The following CUL9 variants were observed in gnomAD, a reference collection of about 807,000 sequenced individuals.
CUL9 encodes cullin-9.
CUL9 carries 79 observed loss-of-function variants against 272.6 expected under a neutral mutation model. That is an observed-to-expected ratio of 0.29 (90% confidence interval 0.24 to 0.35). The LOEUF (loss-of-function observed/expected upper bound fraction) is 0.35, where lower values mean the gene tolerates loss of function less well. Among genes scored for constraint, CUL9 ranks in the 10% least tolerant of loss-of-function variants. CUL9 has a pLI of 1.00. For synonymous variants in CUL9, 1,186 were observed against 1,286.5 expected (o/e 0.92, Z 1.67); for missense variants, 2,532 against 3,255.6 (o/e 0.78, Z 5.41).
intron 26 of CUL9, among the ~76,000 whole-genome samples, chr6:43,208,697 T>C (rs1775228120): frequency 6.6e-6 from 1 of 152,218 alleles, no homozygotes; most frequent in African/African-American, 2.4e-5. Context: ...TTACTGGCTT[T>C]CCAGTTTATA....
intron 11 of CUL9, chr6:43,198,155 C>A: frequency 4.5e-6 from 2 of 442,742 alleles, no homozygotes; most frequent in Non-Finnish European, 6.0e-6. Flanking sequence ...GCAGGAGAAT[C>A]ACTTGAGCCC....
At chr6:43,222,466 A>G (rs1020633078) in intron 36 of CUL9, 65 bp from the exon 37 acceptor site, 22 of 1,597,746 alleles carry the variant, frequency 1.4e-5, no homozygotes, top group Admixed American at 1.0e-4. Context: ...GGTGGGCTGA[A>G]GGTCTGACCG....
chr6:43,209,357 G>T (rs1775295840), intron 26 of CUL9, among the ~76,000 whole-genome samples: 1 of 151,128 alleles, frequency 6.6e-6, no homozygotes, highest in Admixed American at 6.6e-5. Flanking sequence ...CACCATGTTA[G>T]CCAGGATGGT....
chr6:43,191,497 T>TTTTTTTTTTTTTTTTTTC, intron 8 of CUL9, among the ~76,000 whole-genome samples: 1 of 147,708 alleles, frequency 6.8e-6, no homozygotes, highest in African/African-American at 2.6e-5. Flanking sequence ...TTTTTTTTTT[T>TTTTTTTTTTTTTTTTTTC]TTTTTTTTAC....
At chr6:43,191,148 A>T (rs1249971696) in intron 8 of CUL9, among the ~76,000 whole-genome samples, 8 of 151,784 alleles carry the variant, frequency 5.3e-5, no homozygotes, top group South Asian at 2.1e-4. Flanking sequence ...TGTTTTTTTT[A>T]AATTTATTTA....
rs747793265 is a variant in CUL9 at position 43,196,744 on chromosome 6, C to T, written c.2685C>T (p.Asp895=). ...GDQIITQELR[D]TLFRHSGIAP... ...AGATTATAACCCAAGAGCTGAGAGACACGTTGTTTAGGCACTCAGGGATAG... is the reference window on the plus strand; with the variant it reads ...AGATTATAACCCAAGAGCTGAGAGATACGTTGTTTAGGCACTCAGGGATAG... Residue 895 remains aspartate, a synonymous_variant, in exon 11 of 41, where the codon GAC becomes GAT. Coordinates refer to ENST00000252050, the MANE Select transcript of CUL9 (RefSeq NM_015089.4). 2 of 1,614,224 alleles carry T rather than the reference C, an allele frequency of 1.2e-6. No individual in the cohort carries two copies. Among genetic ancestry groups the T allele is most frequent in the Non-Finnish European group, 1.7e-6 (2 of 1,180,032 alleles).
chr6:43,190,458 T>G (rs1406736476), intron 8 of CUL9, among the ~76,000 whole-genome samples: 6 of 152,114 alleles, frequency 3.9e-5, no homozygotes, highest in Admixed American at 3.9e-4. Flanking sequence ...GCTCTATTTT[T>G]TGGTTATAGA....
rs375780586 is a variant in CUL9 at position 43,204,786 on chromosome 6, C to T, written c.4378C>T (p.Pro1460Ser). The T allele has an allele frequency of 3.7e-6, 6 of 1,614,252 alleles. No homozygotes were observed. In the African/African-American group the frequency reaches 6.7e-5, roughly 18 times the overall value. Residue 1460 changes from proline to serine, a missense_variant, in exon 22 of 41, where the codon CCT becomes TCT. Transcript: ENST00000252050. ...CAAGGGTCGGGACCGGAGCCCGGCG[C>T]CTTCGCCAGTGCTTCCAAGCAGCAG... ...NSKGRDRSPA[P>S]SPVLPSSSLR... is the part of the protein sequence containing the mutation.
intron 36 of CUL9, 64 bp downstream of exon 36, chr6:43,222,454 GGGGT>G: frequency 1.3e-6 from 2 of 1,585,694 alleles, no homozygotes; most frequent in Non-Finnish European, 1.7e-6. Flanking sequence ...GGGGTGGAGG[GGGGT>G]GGGCTGAAGG....
At position 43,196,842 on chromosome 6, in the gene CUL9, C is replaced by A. The variant is rs150568273; in HGVS notation, c.2783C>A (p.Pro928Gln). 1 of 1,614,074 alleles carries A rather than the reference C, an allele frequency of 6.2e-7. No individual in the cohort carries two copies. Among genetic ancestry groups the A allele is most frequent in the Non-Finnish European group, 8.5e-7 (1 of 1,180,014 alleles). ...CTTCTCAATCGCTACTCAGAGCCGC[C>A]GGGCAGCCCTGAGCGTGCAGGTACC... Reference protein sequence around the residue: ...MMLLNRYSEPPGSPERAALET... With the variant: ...MMLLNRYSEPQGSPERAALET... Residue 928 changes from proline to glutamine, a missense_variant, in exon 11 of 41, where the codon CCG (proline) becomes CAG (glutamine). By Grantham distance (76) the Pro-to-Gln change is moderately conservative. Transcript: ENST00000252050.
chr6:43,188,045 T>G lies in CUL9; in HGVS notation c.1914T>G (p.Asp638Glu). The change falls in exon 7 of 41, where the codon GAT becomes GAG. Residue 638 changes from aspartate (D) to glutamate (E), a missense_variant. Coordinates refer to ENST00000252050, the MANE Select transcript of CUL9 (RefSeq NM_015089.4). ...TRTETPMAQS[D>E]SQLFNQLLVT... ...CCGAGACCCCCATGGCACAGAGTGA[T>G]TCTCAGCTGTTTAACCAGCTTCTGG... is the stretch of plus-strand genomic sequence containing the variant. The G allele has an allele frequency of 3.1e-6, 5 of 1,611,970 alleles. No individual in the cohort carries two copies. The highest frequency in any genetic ancestry group is 4.2e-6 in the Non-Finnish European group (5 of 1,179,694).
intron 16 of CUL9, among the ~76,000 whole-genome samples, chr6:43,201,248 G>A (rs1774503576): frequency 6.6e-6 from 1 of 152,218 alleles, no homozygotes; most frequent in African/African-American, 2.4e-5. Context: ...GTAAGAAAAA[G>A]CATTGTGGTC....
At chr6:43,210,745 ATAAT>A (rs1190915343) in intron 26 of CUL9, among the ~76,000 whole-genome samples, 1 of 152,158 alleles carries the variant, frequency 6.6e-6, no homozygotes, top group Non-Finnish European at 1.5e-5. Context: ...AAATTCATAA[ATAAT>A]AAACTCAATG....
At position 43,222,619 on chromosome 6, in the gene CUL9, A is replaced by G. The variant is rs370592138; in HGVS notation, c.7010A>G (p.Gln2337Arg). The change falls in exon 37 of 41, where the codon CAG becomes CGG. Residue 2337 changes from glutamine to arginine, a missense_variant. Physicochemically the swap from Gln to Arg is conservative, Grantham distance 43. Around this residue, in one of 3 missense-constraint regions of CUL9, gnomAD observed 237 missense variants for 305.9 expected, o/e 0.77. Transcript: ENST00000252050. Reference sequence around the variant, plus strand: ...TTCACCTTCCTCAATGATGCCTGCCAGGGACTGGAGCAGGCTCGGAAGGTG... The same window carrying G: ...TTCACCTTCCTCAATGATGCCTGCCGGGGACTGGAGCAGGCTCGGAAGGTG... ...RSFTFLNDAC[Q>R]GLEQARKVLA... is the part of the protein sequence containing the mutation. 1.3e-5 allele frequency: 21 copies of G among 1,612,514 alleles called. No homozygotes were observed. The highest frequency in any genetic ancestry group is 1.8e-5 in the Non-Finnish European group (21 of 1,180,008).
chr6:43,204,266 C>G, intron 20 of CUL9, 94 bp from the exon 21 acceptor site: 6 of 1,483,900 alleles, frequency 4.0e-6, no homozygotes, highest in Admixed American at 3.7e-5. Flanking sequence ...CCCCTCAAGC[C>G]TTTTTGTACA....
rs755621381 is a variant in CUL9 at position 43,196,252 on chromosome 6, CT to C, written c.2573del (p.Leu858ArgfsTer32). The C allele has an allele frequency of 7.4e-6, 12 of 1,613,518 alleles. 1 individual carries two copies. The Admixed American group carries it at 2.0e-4, about 27-fold the overall frequency. On this transcript the variant is annotated frameshift_variant, in exon 10 of 41. Coordinates refer to ENST00000252050, the MANE Select transcript of CUL9 (RefSeq NM_015089.4). LOFTEE classifies it high-confidence loss of function. ...LTVPAAVILMLNTEGCSSAAR... is the reference protein window; with the variant it reads ...LTVPAAVILMXNTEGCSSAAR... The stretch of plus-strand genomic sequence containing the variant: ...TGTCCCTGCAGCCGTGATCCTGATG[CT>C]GAATACTGAGGGGTCAGGGCATTAC...
In CUL9 at chr6:43,206,855, A is replaced by AT. The variant is rs1419676233; in HGVS notation, c.5212+352dup. ...AAGTTTTAAAAGATTTTTTTTCTTT[A>AT]TTTTTTTGACATGGAGTCTCACTCT... On this transcript the variant is annotated intron_variant, in intron 26 of 40. Transcript: ENST00000252050. The surrounding 1 kb of genome is among the most constrained non-coding windows in gnomAD (Gnocchi z 4.8). Among the ~76,000 whole-genome samples the AT allele has an allele frequency of 6.6e-6, 1 of 151,314 alleles. No homozygotes were observed. Among genetic ancestry groups the AT allele is most frequent in the Non-Finnish European group, 1.5e-5 (1 of 67,806 alleles).
At position 43,198,667 on chromosome 6, in the gene CUL9, C is replaced by T; in HGVS notation, c.2862C>T (p.Ser954=). The change falls in exon 12 of 41, where the codon TCC becomes TCT. Residue 954 remains serine (S), a synonymous_variant. Transcript: ENST00000252050. Reference sequence around the variant, plus strand: ...GGTCCCCTGAGCTACTGATTCGATCCCTGGTTGGGGGCCCATCTGCAGAAC... The same window carrying T: ...GGTCCCCTGAGCTACTGATTCGATCTCTGGTTGGGGGCCCATCTGCAGAAC... ...QDGSPELLIR[S]LVGGPSAELL... The T allele has an allele frequency of 6.2e-7, 1 of 1,613,788 alleles. No individual in the cohort carries two copies. The highest frequency in any genetic ancestry group is 8.5e-7 in the Non-Finnish European group (1 of 1,179,884).
Position 43,203,492 on chromosome 6 carries a change from C to G in CUL9, c.3925C>G (p.Gln1309Glu). 6.2e-7 allele frequency: 1 copy of G among 1,614,138 alleles called. No homozygotes were observed. Among genetic ancestry groups the G allele is most frequent in the Non-Finnish European group, 8.5e-7 (1 of 1,180,028 alleles). ...KPTFWPLFRE[Q>E]LCRRTCLFYT... ...CACATTCTGGCCACTGTTCCGGGAG[C>G]AGCTGTGTCGCCGAACATGTCTCTT... Residue 1309 changes from glutamine (Q) to glutamate (E), a missense_variant, in exon 19 of 41, where the codon CAG becomes GAG. Gln to Glu is a conservative substitution (Grantham distance 29). Around this residue, in one of 3 missense-constraint regions of CUL9, gnomAD observed 2,218 missense variants for 2,788.6 expected, o/e 0.80. Transcript: ENST00000252050. This position sits in a 1 kb window ranked among gnomAD's most constrained non-coding sequence, Gnocchi z 5.0.
Sources: gnomAD v4.1 joint callset for allele counts (sites outside exome capture counted in the v4.1 genomes callset) on GRCh38, gnomAD v4.1.1 for gene constraint, gnomAD v4.1.1 regional missense constraint, Gnocchi (gnomAD v3.1) non-coding constraint, MANE v1.5 for transcripts, NCBI Gene and HGNC (gene_info 2026-07-23, HGNC 2026-07-21) for gene names.